The following QTRT2 variants were observed in gnomAD, a reference collection of about 807,000 sequenced individuals.
QTRT2 encodes queuine tRNA-ribosyltransferase accessory subunit 2.
In QTRT2, 32 loss-of-function variants were observed where a neutral mutation model predicts 44.8. The observed-to-expected ratio is 0.71, with a 90% CI of 0.54 to 0.96. The LOEUF (loss-of-function observed/expected upper bound fraction) is 0.96, where lower values mean the gene tolerates loss of function less well. Among genes scored for constraint, QTRT2 ranks in the 40% least tolerant of loss-of-function variants. QTRT2 has a pLI of 0.00. For synonymous variants in QTRT2, 182 were observed against 187.4 expected, an observed-to-expected ratio of 0.97 and a Z score of 0.24; for missense variants, 461 against 503.1, an observed-to-expected ratio of 0.92 and a Z score of 0.80.
chr3:114,066,270 T>C lies in QTRT2; in HGVS notation c.243T>C (p.Val81=). 6.2e-7 allele frequency: 1 copy of C among 1,605,952 alleles called. No individual in the cohort carries two copies. The highest frequency in any genetic ancestry group is 1.3e-5 in the African/African-American group (1 of 74,766). The change falls in exon 4 of 10, where the codon GTT becomes GTC. Residue 81 remains valine (V), a synonymous_variant. Transcript: ENST00000281273. ...TCTTGACAGAATATAAAGAAGGAGT[T>C]GGAAAGTTTATAGGTAAAAATTAAG... ...HEVLTEYKEG[V]GKFIGMPESL...
Position 114,065,312 on chromosome 3 carries a change from A to G in QTRT2, c.55A>G (p.Asn19Asp). The change falls in exon 3 of 10, where the codon AAC becomes GAC. Residue 19 changes from asparagine (N) to aspartate (D), a missense_variant. By Grantham distance (23) the Asn-to-Asp change is conservative. Transcript: ENST00000281273. ...TGGCTGTCGCCTAGGAAAAATAAAA[A>G]ACCTGGGCAAAACAGGGGACCACAC... ...VNGCRLGKIK[N>D]LGKTGDHTMD... 6.2e-7 allele frequency: 1 copy of G among 1,614,120 alleles called. No individual in the cohort carries two copies. Among genetic ancestry groups the G allele is most frequent in the Non-Finnish European group, 8.5e-7 (1 of 1,180,012 alleles).
intron 7 of QTRT2, chr3:114,077,713 T>G (rs1005034976): frequency 6.8e-6 from 1 of 146,062 alleles, no homozygotes; most frequent in South Asian, 2.2e-4. Flanking sequence ...TTTTACTACT[T>G]TTTTTTTTTT....
rs2077146634 is a variant in QTRT2 at position 114,080,006 on chromosome 3, G to C, written c.847G>C (p.Gly283Arg). The change falls in exon 8 of 10, where the codon GGA becomes CGA. Residue 283 changes from glycine (G) to arginine (R), a missense_variant. Coordinates refer to ENST00000281273, the MANE Select transcript of QTRT2 (RefSeq NM_024638.4). ...TTTCCCTTATCAAGTAACAGAGCGG[G>C]GATGTGCCCTGACTTTCAGTTTTGA... ...SFFPYQVTERGCALTFSFDYQ... is the reference protein window; with the variant it reads ...SFFPYQVTERRCALTFSFDYQ... 2.5e-6 allele frequency: 4 copies of C among 1,613,474 alleles called. No individual in the cohort carries two copies. In the East Asian group the frequency reaches 6.7e-5, roughly 27 times the overall value.
chr3:114,076,881 C>G lies in QTRT2; in HGVS notation c.685C>G (p.Leu229Val), dbSNP rs769610398. 6.2e-7 allele frequency: 1 copy of G among 1,614,084 alleles called. No individual in the cohort carries two copies. Among genetic ancestry groups the G allele is most frequent in the Admixed American group, 1.7e-5 (1 of 60,002 alleles). ...TGGTTTTCAAGGAAATCCAACAACC[C>G]TGGAGGCTAGACTACGCTTGCTGTC... ...LDGFQGNPTTLEARLRLLSSV... is the reference protein window; with the variant it reads ...LDGFQGNPTTVEARLRLLSSV... Residue 229 changes from leucine to valine, a missense_variant, in exon 7 of 10, where the codon CTG becomes GTG. By Grantham distance (32) the Leu-to-Val change is conservative (BLOSUM62 1). Coordinates refer to ENST00000281273, the MANE Select transcript of QTRT2 (RefSeq NM_024638.4).
At chr3:114,064,517 T>C (rs1341696926) in intron 2 of QTRT2, among the ~76,000 whole-genome samples, 11 of 152,226 alleles carry the variant, frequency 7.2e-5, no homozygotes, top group Admixed American at 7.2e-4. Context: ...TGATTTTTTT[T>C]CCCTGTATAT....
At chr3:114,071,505 G>A (rs2077023818) in intron 6 of QTRT2, among the ~76,000 whole-genome samples, 1 of 152,120 alleles carries the variant, frequency 6.6e-6, no homozygotes, top group African/African-American at 2.4e-5. Flanking sequence ...CACCATGTTA[G>A]CCAGGCTGGT....
intron 6 of QTRT2, among the ~76,000 whole-genome samples, chr3:114,073,269 A>G (rs1402354953): frequency 6.6e-6 from 1 of 152,160 alleles, no homozygotes; most frequent in Non-Finnish European, 1.5e-5. Flanking sequence ...GAGTGTGACA[A>G]AGATGATTAT....
intron 4 of QTRT2, among the ~76,000 whole-genome samples, chr3:114,067,512 T>C (rs2076970026): frequency 6.6e-6 from 1 of 152,210 alleles, no homozygotes; most frequent in Admixed American, 6.5e-5. Context: ...TGGGATCCAT[T>C]TGCAGCATCC....
At chr3:114,059,641 G>A (rs1377719215) in intron 2 of QTRT2, among the ~76,000 whole-genome samples, 2 of 152,180 alleles carry the variant, frequency 1.3e-5, no homozygotes, top group Non-Finnish European at 2.9e-5. Context: ...ATTTCCAGCT[G>A]AAGTATAGTA....
At chr3:114,079,869 T>C (rs761769062) in intron 7 of QTRT2, 37 bp from the exon 8 acceptor site, 6 of 1,601,568 alleles carry the variant, frequency 3.7e-6, no homozygotes, top group Admixed American at 1.7e-5. Context: ...TTCCTTGCAT[T>C]GTCCTCATGT....
At chr3:114,082,209 CA>C (rs2077175587) in intron 8 of QTRT2, among the ~76,000 whole-genome samples, 3 of 7,124 alleles carry the variant, frequency 4.2e-4, no homozygotes, top group Non-Finnish European at 3.7e-3. Context: ...CCCCACCACA[CA>C]CACACACACA....
intron 2 of QTRT2, among the ~76,000 whole-genome samples, chr3:114,058,678 A>G (rs2076842761): frequency 6.6e-6 from 1 of 152,142 alleles, no homozygotes; most frequent in African/African-American, 2.4e-5. Context: ...TATTACAGGC[A>G]TGTGCTGCTA....
intron 2 of QTRT2, among the ~76,000 whole-genome samples, chr3:114,059,983 A>G (rs995596903): frequency 6.6e-6 from 1 of 152,218 alleles, no homozygotes; most frequent in Admixed American, 6.5e-5. Flanking sequence ...TTAAAGCATT[A>G]TATCACAGGA....
At chr3:114,065,127 G>A in intron 2 of QTRT2, 110 bp from the exon 3 acceptor site, 1 of 699,898 alleles carries the variant, frequency 1.4e-6, no homozygotes, top group Non-Finnish European at 2.5e-6. Flanking sequence ...ACTGGAAGCA[G>A]TAATAAGCAT....
At chr3:114,075,111 A>G (rs1375569069) in intron 6 of QTRT2, among the ~76,000 whole-genome samples, 3 of 152,232 alleles carry the variant, frequency 2.0e-5, no homozygotes, top group African/African-American at 4.8e-5. Flanking sequence ...AGTGCTGTCC[A>G]CTTTCCTTCC....
chr3:114,082,677 T>A lies in QTRT2; in HGVS notation c.899T>A (p.Leu300Gln). ...GCCTTTTTATTGGTTTGTCCTTCAGTACTACAACAAAATGGAACACAAGAA... is the reference window on the plus strand; with the variant it reads ...GCCTTTTTATTGGTTTGTCCTTCAGAACTACAACAAAATGGAACACAAGAA... ...FDYQPNPEETLLQQNGTQEEI... is the reference protein window; with the variant it reads ...FDYQPNPEETQLQQNGTQEEI... Residue 300 changes from leucine to glutamine, a missense_variant and splice_region_variant, in exon 9 of 10, where the codon CTA (leucine) becomes CAA (glutamine). Coordinates refer to ENST00000281273, the MANE Select transcript of QTRT2 (RefSeq NM_024638.4). 1 of 1,275,058 alleles carries A rather than the reference T, an allele frequency of 7.8e-7. No homozygotes were observed. The allele number at this position is 1,275,058 out of a possible 1,614,324, so 79.0% of individuals were successfully genotyped here.
At position 114,076,929 on chromosome 3, in the gene QTRT2, G is replaced by A. The variant is rs773263838; in HGVS notation, c.733G>A (p.Glu245Lys). The change falls in exon 7 of 10, where the codon GAG becomes AAG. Residue 245 changes from glutamate (E) to lysine (K), a missense_variant. Glu to Lys is a moderately conservative substitution (Grantham distance 56). Coordinates refer to ENST00000281273, the MANE Select transcript of QTRT2 (RefSeq NM_024638.4). ...GTCATCAGTCACTGCAGAGCTGCCG[G>A]AGGACAAGCCAAGGCCAGTGTTCGG... ...LLSSVTAELP[E>K]DKPRLISGVS... The A allele has an allele frequency of 1.9e-6, 3 of 1,613,962 alleles. No homozygotes were observed.
intron 4 of QTRT2, among the ~76,000 whole-genome samples, chr3:114,067,020 G>A (rs988638577): frequency 1.3e-5 from 2 of 152,154 alleles, no homozygotes; most frequent in Admixed American, 6.5e-5. Flanking sequence ...TCTATACACC[G>A]CTTTCTCCTA....
intron 2 of QTRT2, among the ~76,000 whole-genome samples, chr3:114,062,561 T>C (rs1169034622): frequency 6.6e-6 from 1 of 152,098 alleles, no homozygotes; most frequent in African/African-American, 2.4e-5. Flanking sequence ...TAAACTATTT[T>C]CAGTATTTCT....
Sources: gnomAD v4.1 joint callset for allele counts (sites outside exome capture counted in the v4.1 genomes callset) on GRCh38, gnomAD v4.1.1 for gene constraint, MANE v1.5 for transcripts, NCBI Gene and HGNC (gene_info 2026-07-23, HGNC 2026-07-21) for gene names.